Variants in FHOD3 observed in about 807,000 individuals in gnomAD.
The protein encoded by FHOD3 is FH1/FH2 domain-containing protein 3.
Under a neutral mutation model 173.0 loss-of-function variants are expected in FHOD3, and 90 were observed. The ratio of observed to expected loss-of-function variants is 0.52; its 90% CI spans 0.44 to 0.62. The LOEUF is 0.62. Among genes scored for constraint, FHOD3 ranks in the 20% least tolerant of loss-of-function variants. FHOD3 has a pLI of 0.00. For missense variants in FHOD3, 1,945 were observed against 2,034.7 expected (o/e 0.96, Z 0.85); for synonymous variants, 828 against 823.0 (o/e 1.01, Z -0.10).
intron 4 of FHOD3, among the ~76,000 whole-genome samples, chr18:36,507,625 G>A (rs1457354954): frequency 6.6e-6 from 1 of 152,184 alleles, no homozygotes; most frequent in African/African-American, 2.4e-5. Context: ...TGGGTAACTT[G>A]AATTGTCTTC....
At chr18:36,750,504 T>A (rs1250128362) in intron 24 of FHOD3, among the ~76,000 whole-genome samples, 1 of 152,258 alleles carries the variant, frequency 6.6e-6, no homozygotes, top group Non-Finnish European at 1.5e-5. Context: ...ATCCCATTTG[T>A]CAATTTTTGC....
intron 5 of FHOD3, among the ~76,000 whole-genome samples, chr18:36,569,684 G>T (rs933356263): frequency 6.6e-6 from 1 of 152,014 alleles, no homozygotes; most frequent in Non-Finnish European, 1.5e-5. Context: ...CATATCATGG[G>T]TCACAAAATA....
intron 3 of FHOD3, among the ~76,000 whole-genome samples, chr18:36,469,343 G>A (rs1477850317): frequency 1.3e-5 from 2 of 152,152 alleles, no homozygotes; most frequent in Admixed American, 1.3e-4. Flanking sequence ...CACACTCAGA[G>A]ATCCTAGGCC....
chr18:36,560,606 G>A (rs183028151), intron 5 of FHOD3, among the ~76,000 whole-genome samples: 29 of 152,316 alleles, frequency 1.9e-4, no homozygotes, highest in Non-Finnish European at 3.4e-4. Context: ...GCCTAGCAGA[G>A]TGCCTGGTGC....
chr18:36,524,223 A>G (rs1294265442), intron 5 of FHOD3, among the ~76,000 whole-genome samples: 1 of 151,436 alleles, frequency 6.6e-6, no homozygotes, highest in Non-Finnish European at 1.5e-5. Flanking sequence ...CGGAGGTTGC[A>G]GTGAACCGAG....
chr18:36,748,805 C>T (rs961278363), intron 24 of FHOD3, among the ~76,000 whole-genome samples: 56 of 152,174 alleles, frequency 3.7e-4, no homozygotes, highest in African/African-American at 1.2e-3. Flanking sequence ...TTAGCTGGAG[C>T]GCTGTATGTA....
intron 5 of FHOD3, among the ~76,000 whole-genome samples, chr18:36,524,934 A>G (rs2056445670): frequency 1.3e-5 from 2 of 152,184 alleles, no homozygotes; most frequent in East Asian, 3.8e-4. Context: ...AAACGAAACA[A>G]TTAGAAATTG....
intron 19 of FHOD3, among the ~76,000 whole-genome samples, chr18:36,723,113 C>T (rs959304269): frequency 6.6e-6 from 1 of 152,068 alleles, no homozygotes; most frequent in Non-Finnish European, 1.5e-5. Flanking sequence ...GGCCAAAAGC[C>T]CCTGGAGGGC....
intron 3 of FHOD3, among the ~76,000 whole-genome samples, chr18:36,402,753 G>T (rs982940574): frequency 1.7e-4 from 26 of 152,188 alleles, no homozygotes; most frequent in African/African-American, 6.0e-4. Flanking sequence ...AGAGTGGAAA[G>T]GAATTTTCTA....
At chr18:36,544,116 A>T (rs574283131) in intron 5 of FHOD3, among the ~76,000 whole-genome samples, 1 of 152,228 alleles carries the variant, frequency 6.6e-6, no homozygotes, top group East Asian at 1.9e-4. Flanking sequence ...GAGGTGGCTG[A>T]GTGTATGTGT....
chr18:36,429,828 CTTG>C (rs2050437863), intron 3 of FHOD3, among the ~76,000 whole-genome samples: 1 of 152,060 alleles, frequency 6.6e-6, no homozygotes, highest in Non-Finnish European at 1.5e-5. Flanking sequence ...AGGGAGGAAT[CTTG>C]TTGTTTTGCA....
At chr18:36,364,893 G>A (rs1306226384) in intron 2 of FHOD3, among the ~76,000 whole-genome samples, 1 of 152,118 alleles carries the variant, frequency 6.6e-6, no homozygotes, top group Admixed American at 6.5e-5. Flanking sequence ...GTGTCTGAAG[G>A]GGGAGAAAGC....
chr18:36,501,760 T>C (rs185144492), intron 3 of FHOD3, among the ~76,000 whole-genome samples, 172 bp from the exon 4 acceptor site: 6 of 152,274 alleles, frequency 3.9e-5, no homozygotes, highest in Admixed American at 3.9e-4. Context: ...ACACCAGATA[T>C]GTATATGCAA....
Position 36,681,588 on chromosome 18 carries a change from A to AT in FHOD3, c.1970+26dup, listed in dbSNP as rs374168306. 5 of 1,581,584 alleles carry AT rather than the reference A, an allele frequency of 3.2e-6. No individual in the cohort carries two copies. The highest frequency in any genetic ancestry group is 1.8e-5 in the Admixed American group (1 of 56,820). ...AAATTCAGGTAAGAAGGATCTTAAGATTTTTTTTAAATAGTGAGTTAAAAA... is the reference window on the plus strand; with the variant it reads ...AAATTCAGGTAAGAAGGATCTTAAGATTTTTTTTTAAATAGTGAGTTAAAAA... On this transcript the variant is annotated intron_variant, in intron 15 of 28. Transcript: ENST00000590592.
chr18:36,726,008 T>G (rs2041046422), intron 19 of FHOD3, among the ~76,000 whole-genome samples: 1 of 152,154 alleles, frequency 6.6e-6, no homozygotes, highest in Admixed American at 6.5e-5. Context: ...ATATATTCTT[T>G]CATGTTCACT....
At chr18:36,563,600 G>A (rs1012006128) in intron 5 of FHOD3, among the ~76,000 whole-genome samples, 6 of 152,180 alleles carry the variant, frequency 3.9e-5, no homozygotes, top group Non-Finnish European at 7.3e-5. Context: ...TTATGACTGC[G>A]TAAGCTCCAT....
intron 3 of FHOD3, among the ~76,000 whole-genome samples, chr18:36,490,571 T>C (rs1225247185): frequency 6.6e-6 from 1 of 152,114 alleles, no homozygotes. Context: ...AGCCTCTTGG[T>C]GAATAGCTCT....
chr18:36,443,870 A>G (rs1348646789), intron 3 of FHOD3, among the ~76,000 whole-genome samples: 3 of 152,200 alleles, frequency 2.0e-5, no homozygotes, highest in Non-Finnish European at 2.9e-5. Flanking sequence ...CTCTTCATCA[A>G]TAAGAAACTC....
Position 36,760,754 on chromosome 18 carries a change from C to T in FHOD3, c.4596C>T (p.Gly1532=). The change falls in exon 27 of 29, where the codon GGC becomes GGT. Residue 1532 remains glycine (G), a synonymous_variant. Coordinates refer to ENST00000590592, the MANE Select transcript of FHOD3 (RefSeq NM_001281740.3). ...TGGAGGACGCCACCCCCGCGCTGGG[C>T]GTCCGCACACGCAGCCGAGCAAGCC... ...PSVEDATPAL[G]VRTRSRASRG... 5.6e-6 allele frequency: 9 copies of T among 1,611,310 alleles called. No homozygotes were observed. The highest frequency in any genetic ancestry group is 7.6e-6 in the Non-Finnish European group (9 of 1,179,410).
Sources: allele counts gnomAD v4.1 joint callset (sites outside exome capture counted in the v4.1 genomes callset), GRCh38; gene constraint gnomAD v4.1.1; transcripts MANE v1.5; gene names NCBI Gene and HGNC (gene_info 2026-07-23, HGNC 2026-07-21).